ANGEL2: variants seen among roughly 807,000 people sequenced by gnomAD.
The protein encoded by ANGEL2 is RNA 2',3'-cyclic phosphatase ANGEL2.
A neutral mutation model predicts 66.0 loss-of-function variants in ANGEL2; 41 were observed. The ratio of observed to expected loss-of-function variants is 0.62; its 90% CI spans 0.48 to 0.81. The LOEUF is 0.81. Ranked by LOEUF, ANGEL2 falls within the 30% of genes least tolerant of loss-of-function variation. ANGEL2 has a pLI of 0.00. For synonymous variants in ANGEL2, 208 were observed against 226.5 expected (o/e 0.92, Z 0.73); for missense variants, 561 against 641.6 (o/e 0.87, Z 1.36).
chr1:213,013,468 A>G, intron 1 of ANGEL2, 50 bp from the exon 2 acceptor site: 1 of 1,493,614 alleles, frequency 6.7e-7, no homozygotes, highest in Non-Finnish European at 9.1e-7. Flanking sequence ...GTTCAGCTAT[A>G]GTTTACAAAA....
intron 2 of ANGEL2, among the ~76,000 whole-genome samples, chr1:213,010,658 A>G (rs2076481772): frequency 6.6e-6 from 1 of 152,194 alleles, no homozygotes; most frequent in African/African-American, 2.4e-5. Flanking sequence ...TAGCCAAATC[A>G]AAGTCTTCTT....
Position 212,995,000 on chromosome 1 carries a change from A to G in ANGEL2, c.*41T>C. 1 of 1,551,640 alleles carries G rather than the reference A, an allele frequency of 6.4e-7. No individual in the cohort carries two copies. The highest frequency in any genetic ancestry group is 8.7e-7 in the Non-Finnish European group (1 of 1,147,882). On this transcript the variant is annotated 3_prime_UTR_variant, in exon 9 of 9. Transcript: ENST00000366962. ...AAGAACTTTACATTCTTTGAAAAAC[A>G]ATACAAATTGGAAAGAAAATTAGTA...
rs1275866946 is a variant in ANGEL2 at position 213,005,138 on chromosome 1, G to C, written c.1029C>G (p.Phe343Leu). ...AGTCACCACACATAACAATAGGGCA[G>C]AAGCTGCCATCTTTCTGGTGGGCAA... is the stretch of plus-strand genomic sequence containing the variant. ...SSVAHQKDGS[F>L]CPIVMCGDFN... The change falls in exon 5 of 9, where the codon TTC becomes TTG. Residue 343 changes from phenylalanine to leucine, a missense_variant. Physicochemically the swap from Phe to Leu is conservative, Grantham distance 22. Coordinates refer to ENST00000366962, the MANE Select transcript of ANGEL2 (RefSeq NM_144567.5). 1 of 1,614,176 alleles carries C rather than the reference G, an allele frequency of 6.2e-7. No individual in the cohort carries two copies. Among genetic ancestry groups the C allele is most frequent in the South Asian group, 1.1e-5 (1 of 91,082 alleles).
chr1:213,000,465 A>T, intron 6 of ANGEL2, 82 bp from the exon 7 acceptor site: 2 of 1,244,198 alleles, frequency 1.6e-6, no homozygotes, highest in Non-Finnish European at 2.3e-6. Flanking sequence ...AACAATATTT[A>T]AGACTTATCT....
rs749613609 is a variant in ANGEL2, at chr1:213,013,125, T to A, written c.353A>T (p.Asp118Val). The A allele has an allele frequency of 6.2e-7, 1 of 1,614,064 alleles. No homozygotes were observed. Among genetic ancestry groups the A allele is most frequent in the South Asian group, 1.1e-5 (1 of 91,072 alleles). ...TTTTCTTCGTTTTGATGAAGGCTCA[T>A]CTCCCTCAGCGTTCATGACGTAACT... ...LSSYVMNAEGDEPSSKRRKHQ... is the reference protein window; with the variant it reads ...LSSYVMNAEGVEPSSKRRKHQ... The change falls in exon 2 of 9, where the codon GAT becomes GTT. Residue 118 changes from aspartate to valine, a missense_variant. Coordinates refer to ENST00000366962, the MANE Select transcript of ANGEL2 (RefSeq NM_144567.5).
Position 213,013,101 on chromosome 1 carries a change from T to C in ANGEL2, c.377A>G (p.Lys126Arg), listed in dbSNP as rs1417954463. 1 of 1,612,542 alleles carries C rather than the reference T, an allele frequency of 6.2e-7. No individual in the cohort carries two copies. The highest frequency in any genetic ancestry group is 8.5e-7 in the Non-Finnish European group (1 of 1,179,328). The change falls in exon 2 of 9, where the codon AAA becomes AGA. Residue 126 changes from lysine (K) to arginine (R), a missense_variant. Lys to Arg is a conservative substitution (Grantham distance 26, BLOSUM62 2). Transcript: ENST00000366962. ...ATAAATGTCACCTTTACCTTGGTGT[T>C]TTCTTCGTTTTGATGAAGGCTCATC... ...EGDEPSSKRR[K>R]HQGVIKRNWE...
intron 2 of ANGEL2, among the ~76,000 whole-genome samples, chr1:213,010,006 G>A (rs2076457513): frequency 6.7e-6 from 1 of 148,300 alleles, no homozygotes; most frequent in South Asian, 2.1e-4. Context: ...AGCCGAGATC[G>A]CGCCATTGCA....
At chr1:213,002,917 CAAA>C (rs3056224) in intron 5 of ANGEL2, among the ~76,000 whole-genome samples, 16 of 110,406 alleles carry the variant, frequency 1.4e-4, no homozygotes, top group Admixed American at 3.5e-4. Context: ...GATCCTGTCT[CAAA>C]AAAAAAAAAA....
At chr1:213,008,136 T>C in intron 3 of ANGEL2, 74 bp downstream of exon 3, 1 of 1,508,268 alleles carries the variant, frequency 6.6e-7, no homozygotes, top group Non-Finnish European at 9.0e-7. Context: ...AGTGCTGGGA[T>C]TACAAGCATG....
intron 8 of ANGEL2, among the ~76,000 whole-genome samples, chr1:212,995,426 T>C (rs1488687282): frequency 6.6e-6 from 1 of 152,194 alleles, no homozygotes; most frequent in Non-Finnish European, 1.5e-5. Flanking sequence ...AAACAATCTT[T>C]AGAAGAAAAT....
intron 3 of ANGEL2, 79 bp downstream of exon 3, chr1:213,008,131 T>C (rs1390487596): frequency 3.4e-6 from 5 of 1,486,588 alleles, no homozygotes; most frequent in Non-Finnish European, 4.5e-6. Context: ...CCCAAAGTGC[T>C]GGGATTACAA....
rs1452515888 is a variant in ANGEL2 at position 213,015,697 on chromosome 1, C to T, written c.-26G>A. On this transcript the variant is annotated 5_prime_UTR_variant, in exon 1 of 9. Coordinates refer to ENST00000366962, the MANE Select transcript of ANGEL2 (RefSeq NM_144567.5). ...CTTCGCCCTCCGCGTGCGTCCAGTTCCCAGGCCCCGGGTTCCACCTCAATC... is the reference window on the plus strand; with the variant it reads ...CTTCGCCCTCCGCGTGCGTCCAGTTTCCAGGCCCCGGGTTCCACCTCAATC... The T allele has an allele frequency of 1.2e-6, 2 of 1,614,144 alleles. No homozygotes were observed. The highest frequency in any genetic ancestry group is 1.7e-6 in the Non-Finnish European group (2 of 1,180,026).
chr1:212,997,310 G>A lies in ANGEL2; in HGVS notation c.1328C>T (p.Ser443Leu). The change falls in exon 8 of 9, where the codon TCA becomes TTA. Residue 443 changes from serine to leucine, a missense_variant. Ser to Leu is a moderately radical substitution (Grantham distance 145). Transcript: ENST00000366962. ...CAAACTGAAATGGTGCTGTAAATTT[G>A]AAGACAATCTAAATAGAAAAGAAGA... ...EVLVTAEKLS[S>L]NLQHHFSLSS... is the part of the protein sequence containing the mutation. 3.7e-6 allele frequency: 6 copies of A among 1,605,966 alleles called. No homozygotes were observed. Among genetic ancestry groups the A allele is most frequent in the Non-Finnish European group, 4.3e-6 (5 of 1,173,790 alleles).
chr1:213,012,956 C>T, intron 2 of ANGEL2, 137 bp downstream of exon 2: 1 of 777,828 alleles, frequency 1.3e-6, no homozygotes, highest in Non-Finnish European at 2.0e-6. Flanking sequence ...TCATTTTTTT[C>T]TAACATAAAA....
intron 7 of ANGEL2, among the ~76,000 whole-genome samples, chr1:212,998,340 T>G (rs2076082773): frequency 2.0e-5 from 3 of 151,520 alleles, no homozygotes; most frequent in African/African-American, 4.8e-5. Flanking sequence ...AGGTGGAGGC[T>G]GCAGTGAGCC....
chr1:213,003,142 A>C (rs1471611086), intron 5 of ANGEL2, among the ~76,000 whole-genome samples: 2 of 152,190 alleles, frequency 1.3e-5, no homozygotes, highest in African/African-American at 4.8e-5. Flanking sequence ...CCTTCAAAAA[A>C]TTGAAGAGAC....
chr1:213,005,975 C>CT (rs1257991131), intron 4 of ANGEL2, among the ~76,000 whole-genome samples: 1 of 152,208 alleles, frequency 6.6e-6, no homozygotes, highest in East Asian at 1.9e-4. Flanking sequence ...GAAACCTCTC[C>CT]TATTCCACTT....
intron 7 of ANGEL2, among the ~76,000 whole-genome samples, chr1:212,999,666 G>A (rs2076126545): frequency 6.6e-6 from 1 of 152,184 alleles, no homozygotes; most frequent in Admixed American, 6.5e-5. Context: ...ATCTCCCTGA[G>A]ACAAGATTTA....
intron 8 of ANGEL2, among the ~76,000 whole-genome samples, chr1:212,996,572 A>C (rs2148130620): frequency 7.0e-6 from 1 of 142,440 alleles, no homozygotes; most frequent in East Asian, 2.1e-4. Context: ...CAGTAAGCCG[A>C]GAATCATGCC....
Sources: allele counts gnomAD v4.1 joint callset (sites outside exome capture counted in the v4.1 genomes callset), GRCh38; gene constraint gnomAD v4.1.1; transcripts MANE v1.5; gene names NCBI Gene and HGNC (gene_info 2026-07-23, HGNC 2026-07-21).